RAPGEF1: variants seen among roughly 807,000 people sequenced by gnomAD.
RAPGEF1 encodes the protein Rap guanine nucleotide exchange factor 1.
Under a neutral mutation model 143.3 loss-of-function variants are expected in RAPGEF1, and 33 were observed. That is an observed-to-expected ratio of 0.23 (90% CI 0.17 to 0.31). RAPGEF1 has a LOEUF of 0.31. Ranked by LOEUF, RAPGEF1 falls within the 10% of genes least tolerant of loss-of-function variation. RAPGEF1 has a pLI of 1.00. For synonymous variants in RAPGEF1, 629 were observed against 676.5 expected, an observed-to-expected ratio of 0.93 and a Z score of 1.09; for missense variants, 1,199 against 1,645.4, an observed-to-expected ratio of 0.73 and a Z score of 4.69.
chr9:131,589,072 C>T lies in RAPGEF1; in HGVS notation c.2868-86G>A, dbSNP rs771172570. On this transcript the variant is annotated intron_variant, in intron 19 of 26. Coordinates refer to ENST00000683357, the MANE Select transcript of RAPGEF1 (RefSeq NM_001377935.1). ...TTTGCCTTGAGACACACAAAGGGCA[C>T]GGGGCTGTGACCGGCACAGAGCTGG... The T allele has an allele frequency of 5.9e-5, 79 of 1,332,050 alleles. 1 individual carries two copies. The highest frequency in any genetic ancestry group is 4.2e-4 in the South Asian group (31 of 74,616). The allele number at this position is 1,332,050 out of a possible 1,614,324, so 82.5% of individuals were successfully genotyped here.
Position 131,626,268 on chromosome 9 carries a change from G to A in RAPGEF1, c.1356C>T (p.Gly452=), listed in dbSNP as rs201318369. The A allele has an allele frequency of 2.9e-5, 46 of 1,613,814 alleles. No homozygotes were observed. In the African/African-American group the frequency reaches 3.6e-4, roughly 13 times the overall value. ...GAGGTCCGTCTGGCTGGGGATGGCC[G>A]CCAAGAGGCAGCTGGAAAGGAGGGC... The part of the protein sequence containing the change: ...FLGPPFQLPL[G]GHPQPDGPLA... The change falls in exon 10 of 27, where the codon GGC becomes GGT. Residue 452 remains glycine, a synonymous_variant. Coordinates refer to ENST00000683357, the MANE Select transcript of RAPGEF1 (RefSeq NM_001377935.1).
chr9:131,658,442 G>A (rs1973117522), intron 1 of RAPGEF1, among the ~76,000 whole-genome samples: 1 of 152,166 alleles, frequency 6.6e-6, no homozygotes, highest in Non-Finnish European at 1.5e-5. Flanking sequence ...AGAACAGAAA[G>A]CCTCAGACTC....
intron 1 of RAPGEF1, among the ~76,000 whole-genome samples, chr9:131,701,594 G>A (rs1316554112): frequency 6.6e-6 from 1 of 151,994 alleles, no homozygotes; most frequent in Non-Finnish European, 1.5e-5. Flanking sequence ...TGCATCATAT[G>A]TTATATATGA....
chr9:131,639,908 A>G (rs910419412), intron 4 of RAPGEF1, among the ~76,000 whole-genome samples: 7 of 152,150 alleles, frequency 4.6e-5, no homozygotes, highest in African/African-American at 1.7e-4. Context: ...GGAGGAAACA[A>G]TTTTTGCAAG....
intron 3 of RAPGEF1, 46 bp from the exon 4 acceptor site, chr9:131,643,463 G>A: frequency 6.6e-7 from 1 of 1,521,188 alleles, no homozygotes. Flanking sequence ...AGATTAAAGG[G>A]AGCTATTTTG....
intron 12 of RAPGEF1, among the ~76,000 whole-genome samples, chr9:131,614,577 C>T (rs1328118346): frequency 2.0e-5 from 3 of 152,168 alleles, no homozygotes; most frequent in African/African-American, 7.2e-5. Context: ...GATGAATGGG[C>T]AGAGTGAAGG....
intron 3 of RAPGEF1, among the ~76,000 whole-genome samples, chr9:131,646,901 C>T (rs143670917): frequency 1.6e-3 from 244 of 152,280 alleles, no homozygotes; most frequent in African/African-American, 5.3e-3. Context: ...ACCAAATCAC[C>T]ACCTGCCACC....
intron 25 of RAPGEF1, among the ~76,000 whole-genome samples, chr9:131,580,632 G>A (rs1434721915): frequency 2.0e-5 from 3 of 152,174 alleles, no homozygotes; most frequent in African/African-American, 7.2e-5. Flanking sequence ...GCCTGAGGGT[G>A]ATGCGGCTGC....
At chr9:131,616,005 G>A (rs555975103) in intron 12 of RAPGEF1, among the ~76,000 whole-genome samples, 7 of 152,124 alleles carry the variant, frequency 4.6e-5, no homozygotes, top group Non-Finnish European at 1.0e-4. Context: ...AGTGGCTCAC[G>A]CCTGTAATCC....
At chr9:131,612,671 A>G (rs1017597977) in intron 12 of RAPGEF1, among the ~76,000 whole-genome samples, 2 of 152,174 alleles carry the variant, frequency 1.3e-5, no homozygotes, top group African/African-American at 4.8e-5. Context: ...TCTGGTCTGC[A>G]TGTACCTCCT....
At chr9:131,595,054 C>T (rs1281880432) in intron 17 of RAPGEF1, among the ~76,000 whole-genome samples, 3 of 152,364 alleles carry the variant, frequency 2.0e-5, no homozygotes, top group African/African-American at 7.2e-5. Context: ...CCCCCAGCAC[C>T]GCTGACATGC....
At chr9:131,679,001 A>G (rs950124299) in intron 1 of RAPGEF1, among the ~76,000 whole-genome samples, 1 of 152,212 alleles carries the variant, frequency 6.6e-6, no homozygotes, top group Non-Finnish European at 1.5e-5. Context: ...CAGGAGCAGG[A>G]CAGATTAAAA....
At chr9:131,626,510 G>C (rs1049953812) in intron 9 of RAPGEF1, 88 bp from the exon 10 acceptor site, 3 of 1,352,860 alleles carry the variant, frequency 2.2e-6, no homozygotes, top group South Asian at 1.5e-5. Flanking sequence ...TCGCCGGCTC[G>C]CTCATGGGTG....
In RAPGEF1 at chr9:131,577,804, G is replaced by T. The variant is rs912365145; in HGVS notation, c.*1693C>A. On this transcript the variant is annotated 3_prime_UTR_variant, in exon 27 of 27. Transcript: ENST00000683357. ...TGGCCCCGCAAGACCACCGCAAGAG[G>T]GGGTCCCGCCACCAGAGGGGGTCCC... 1 of 152,060 alleles carries T rather than the reference G, an allele frequency of 6.6e-6. No individual in the cohort carries two copies. The highest frequency in any genetic ancestry group is 1.5e-5 in the Non-Finnish European group (1 of 68,016). The allele number at this position is 152,060 out of a possible 1,614,324, so 9.4% of individuals were successfully genotyped here.
intron 12 of RAPGEF1, among the ~76,000 whole-genome samples, chr9:131,612,765 A>C (rs1217046504): frequency 6.6e-6 from 1 of 152,208 alleles, no homozygotes; most frequent in Non-Finnish European, 1.5e-5. Context: ...GAAGAGTGGA[A>C]AAGCACAGGG....
At chr9:131,683,964 G>C (rs1355312682) in intron 1 of RAPGEF1, among the ~76,000 whole-genome samples, 1 of 152,216 alleles carries the variant, frequency 6.6e-6, no homozygotes, top group Non-Finnish European at 1.5e-5. Context: ...ACTTCTTCCA[G>C]GACCTTTGAC....
At chr9:131,735,009 C>G (rs983357425) in intron 1 of RAPGEF1, among the ~76,000 whole-genome samples, 1 of 152,186 alleles carries the variant, frequency 6.6e-6, no homozygotes, top group Non-Finnish European at 1.5e-5. Flanking sequence ...TCCCAGCCAG[C>G]CTGTGGTTCG....
At chr9:131,615,396 G>A (rs1158027924) in intron 12 of RAPGEF1, among the ~76,000 whole-genome samples, 1 of 152,204 alleles carries the variant, frequency 6.6e-6, no homozygotes, top group African/African-American at 2.4e-5. Flanking sequence ...TTTTTCCAAT[G>A]CCAACCCTGC....
At chr9:131,678,527 T>C (rs1414740572) in intron 1 of RAPGEF1, among the ~76,000 whole-genome samples, 2 of 152,232 alleles carry the variant, frequency 1.3e-5, no homozygotes, top group African/African-American at 4.8e-5. Context: ...AGTGTGCTGT[T>C]TTCAGGAGCT....
Sources: allele counts gnomAD v4.1 joint callset (sites outside exome capture counted in the v4.1 genomes callset), GRCh38; gene constraint gnomAD v4.1.1; transcripts MANE v1.5; gene names NCBI Gene and HGNC (gene_info 2026-07-23, HGNC 2026-07-21).